SV2C: variants seen among roughly 807,000 people sequenced by gnomAD.
The protein encoded by SV2C is synaptic vesicle glycoprotein 2C.
SV2C carries 49 observed loss-of-function variants against 79.7 expected under a neutral mutation model. That is an observed-to-expected ratio of 0.61 (90% confidence interval 0.49 to 0.78). The LOEUF (loss-of-function observed/expected upper bound fraction) is 0.78. SV2C is among the 30% of genes least tolerant of loss of function. The pLI is 0.00. For missense variants in SV2C, 833 were observed against 912.9 expected (o/e 0.91, Z 1.13); for synonymous variants, 334 against 333.2 (o/e 1.00, Z -0.03).
chr5:75,908,810 G>A, the SV2C span, among the ~76,000 whole-genome samples: 2 of 152,212 alleles, frequency 1.3e-5, no homozygotes, highest in Non-Finnish European at 2.9e-5. Flanking sequence ...GCCTCAAACA[G>A]TACCTCTTCA....
chr5:75,870,255 T>A, the SV2C span, among the ~76,000 whole-genome samples: 4 of 151,844 alleles, frequency 2.6e-5, no homozygotes, highest in Non-Finnish European at 5.9e-5. Context: ...AAGAAAAAAT[T>A]CAACATAACA....
chr5:76,309,774 A>G (rs1176592782), intron 12 of SV2C, among the ~76,000 whole-genome samples: 1 of 152,108 alleles, frequency 6.6e-6, no homozygotes, highest in African/African-American at 2.4e-5. Flanking sequence ...AGATGATTCC[A>G]GTTTCTGCGT....
chr5:76,054,656 T>C, the SV2C span, among the ~76,000 whole-genome samples: 2 of 151,886 alleles, frequency 1.3e-5, no homozygotes, highest in East Asian at 3.8e-4. Flanking sequence ...CCAGCATCTG[T>C]TGTTTCTTGA....
At chr5:75,867,595 T>C in the SV2C span, among the ~76,000 whole-genome samples, 35 of 152,230 alleles carry the variant, frequency 2.3e-4, no homozygotes, top group South Asian at 1.7e-3. Flanking sequence ...TAAAGTTACA[T>C]TTTTTATATG....
the SV2C span, among the ~76,000 whole-genome samples, chr5:76,049,914 A>G: frequency 6.6e-6 from 1 of 152,254 alleles, no homozygotes; most frequent in Non-Finnish European, 1.5e-5. Flanking sequence ...GTAAAACAGT[A>G]CATCATGACT....
chr5:76,066,737 C>T, the SV2C span, among the ~76,000 whole-genome samples: 1 of 149,534 alleles, frequency 6.7e-6, no homozygotes, highest in East Asian at 2.0e-4. Flanking sequence ...CCATGCACAA[C>T]TGTCTTTGTA....
At chr5:76,262,889 G>A (rs933717949) in intron 4 of SV2C, among the ~76,000 whole-genome samples, 7 of 152,336 alleles carry the variant, frequency 4.6e-5, no homozygotes, top group African/African-American at 1.7e-4. Flanking sequence ...ATGTGGTGCT[G>A]AGAAGAATAC....
At chr5:76,265,070 G>GTGC (rs1746608456) in intron 4 of SV2C, among the ~76,000 whole-genome samples, 2 of 152,190 alleles carry the variant, frequency 1.3e-5, no homozygotes, top group South Asian at 4.1e-4. Context: ...TTTCCCCCAG[G>GTGC]TGCTCTGTCC....
chr5:75,914,806 T>C, the SV2C span, among the ~76,000 whole-genome samples: 6 of 152,236 alleles, frequency 3.9e-5, no homozygotes, highest in Non-Finnish European at 7.3e-5. Context: ...ATGGATGTGA[T>C]AATGCTATCC....
the SV2C span, among the ~76,000 whole-genome samples, chr5:75,937,879 C>CTTT: frequency 0.028 from 4,230 of 149,984 alleles, 96 homozygotes; most frequent in African/African-American, 0.061. Context: ...AGCATTATCT[C>CTTT]TTTTTTTTTG....
intron 4 of SV2C, among the ~76,000 whole-genome samples, chr5:76,265,191 C>CTTTGA (rs1383512323): frequency 6.6e-6 from 1 of 152,220 alleles, no homozygotes; most frequent in Non-Finnish European, 1.5e-5. Context: ...GCCACAGCCA[C>CTTTGA]TTTGCCATGC....
intron 4 of SV2C, among the ~76,000 whole-genome samples, chr5:76,277,695 G>A (rs1208487637): frequency 6.6e-6 from 1 of 152,062 alleles, no homozygotes. Flanking sequence ...GGGAAGCCAA[G>A]GCTGCAGTGC....
chr5:75,967,394 C>G, the SV2C span, among the ~76,000 whole-genome samples: 2 of 152,154 alleles, frequency 1.3e-5, no homozygotes, highest in Admixed American at 1.3e-4. Context: ...CCGGGAAGCG[C>G]AAGGGGTCAA....
the SV2C span, among the ~76,000 whole-genome samples, chr5:75,949,691 T>C: frequency 1.3e-5 from 2 of 152,010 alleles, no homozygotes; most frequent in African/African-American, 4.8e-5. Flanking sequence ...ATGTAAGATA[T>C]CCCTTCCACC....
chr5:76,121,450 A>G (rs1748494079), intron 1 of SV2C, among the ~76,000 whole-genome samples: 1 of 151,386 alleles, frequency 6.6e-6, no homozygotes, highest in Admixed American at 6.6e-5. Flanking sequence ...GCCCATGCCT[A>G]TGTCCTGAAT....
chr5:75,971,354 G>T, the SV2C span, among the ~76,000 whole-genome samples: 3 of 151,978 alleles, frequency 2.0e-5, no homozygotes, highest in Non-Finnish European at 4.4e-5. Context: ...GAAATAAAGG[G>T]TATTCAATTA....
chr5:76,032,250 T>C, the SV2C span, among the ~76,000 whole-genome samples: 14 of 152,242 alleles, frequency 9.2e-5, no homozygotes, highest in African/African-American at 3.1e-4. Context: ...ATAAATAATC[T>C]TTTTTTATTA....
intron 12 of SV2C, among the ~76,000 whole-genome samples, chr5:76,309,339 G>A (rs546996060): frequency 1.2e-3 from 175 of 152,130 alleles, no homozygotes; most frequent in African/African-American, 3.9e-3. Context: ...GGTGGCTCAC[G>A]TCTGTAATCC....
chr5:76,151,353 G>A (rs1749598463), intron 2 of SV2C, among the ~76,000 whole-genome samples: 1 of 152,196 alleles, frequency 6.6e-6, no homozygotes, highest in Admixed American at 6.5e-5. Context: ...TTGTTGGAGA[G>A]CTTGAAATGA....
Sources: gnomAD v4.1 joint callset for allele counts (sites outside exome capture counted in the v4.1 genomes callset) on GRCh38, gnomAD v4.1.1 for gene constraint, MANE v1.5 for transcripts, NCBI Gene and HGNC (gene_info 2026-07-23, HGNC 2026-07-21) for gene names.